GRID1: variants seen among roughly 807,000 people sequenced by gnomAD.
GRID1 encodes the protein glutamate receptor ionotropic, delta-1.
Under a neutral mutation model 98.0 loss-of-function variants are expected in GRID1, and 28 were observed. That is an observed-to-expected ratio of 0.29 (90% CI 0.21 to 0.39). The LOEUF is 0.39. Ranked by LOEUF, GRID1 falls within the 10% of genes least tolerant of loss-of-function variation. GRID1 has a pLI of 1.00. For synonymous variants in GRID1, 553 were observed against 538.5 expected, an observed-to-expected ratio of 1.03 and a Z score of -0.37; for missense variants, 1,111 against 1,340.5, an observed-to-expected ratio of 0.83 and a Z score of 2.67.
chr10:85,778,613 T>C (rs754130164), intron 8 of GRID1, among the ~76,000 whole-genome samples: 1 of 152,208 alleles, frequency 6.6e-6, no homozygotes, highest in African/African-American at 2.4e-5. Context: ...AAGTTTGACC[T>C]GTGTGCTGTG....
chr10:85,812,297 G>GA (rs1203719432), intron 8 of GRID1, among the ~76,000 whole-genome samples: 12 of 151,286 alleles, frequency 7.9e-5, no homozygotes, highest in South Asian at 2.1e-4. Flanking sequence ...AGGAGAAAGA[G>GA]AAAAAAAATC....
At chr10:85,900,582 A>G (rs1841366977) in intron 5 of GRID1, among the ~76,000 whole-genome samples, 1 of 152,238 alleles carries the variant, frequency 6.6e-6, no homozygotes, top group African/African-American at 2.4e-5. Context: ...ATTGATTCAT[A>G]TCTAAAAACA....
At chr10:85,835,914 A>G (rs1842908133) in intron 8 of GRID1, among the ~76,000 whole-genome samples, 1 of 152,202 alleles carries the variant, frequency 6.6e-6, no homozygotes, top group African/African-American at 2.4e-5. Flanking sequence ...GGAAAGTAAC[A>G]ATAAAGTTTT....
intron 8 of GRID1, among the ~76,000 whole-genome samples, chr10:85,738,536 T>C (rs1478133371): frequency 6.6e-6 from 1 of 152,190 alleles, no homozygotes. Context: ...CATACAAAGG[T>C]CCATATGTGA....
chr10:86,024,565 G>C (rs1045627590), intron 4 of GRID1, among the ~76,000 whole-genome samples: 7 of 152,236 alleles, frequency 4.6e-5, no homozygotes, highest in African/African-American at 1.7e-4. Flanking sequence ...TCACCATGAC[G>C]TGGATGGTGC....
intron 2 of GRID1, among the ~76,000 whole-genome samples, chr10:86,350,478 G>A (rs540921054): frequency 6.6e-6 from 1 of 152,298 alleles, no homozygotes; most frequent in Non-Finnish European, 1.5e-5. Flanking sequence ...TGCGTAGTGG[G>A]AGGCCCAGCA....
rs536917424 is a variant in GRID1 at position 86,199,338 on chromosome 10, A to G, written c.520+7026T>C. ...GAGTTTTCCATTACATGTAAATATC[A>G]TAATATATTTAACCAATTTGCTGAA... On this transcript the variant is annotated intron_variant, in intron 3 of 15. Coordinates refer to ENST00000327946, the MANE Select transcript of GRID1 (RefSeq NM_017551.3). Among the ~76,000 whole-genome samples, 3 of 152,280 alleles carry G rather than the reference A, an allele frequency of 2.0e-5. No homozygotes were observed. The East Asian group carries it at 5.8e-4, about 29-fold the overall frequency.
intron 2 of GRID1, among the ~76,000 whole-genome samples, chr10:86,232,611 TA>T (rs1206853440): frequency 6.6e-6 from 1 of 152,208 alleles, no homozygotes; most frequent in Non-Finnish European, 1.5e-5. Flanking sequence ...TAAAGGGAAG[TA>T]GAGAAATCTA....
intron 4 of GRID1, among the ~76,000 whole-genome samples, chr10:86,089,268 A>G (rs1844108456): frequency 6.6e-6 from 1 of 152,172 alleles, no homozygotes; most frequent in South Asian, 2.1e-4. Flanking sequence ...CCAGCCAGGG[A>G]AGGGTCAGTG....
intron 4 of GRID1, among the ~76,000 whole-genome samples, chr10:86,084,275 G>A (rs937389308): frequency 6.6e-6 from 1 of 151,790 alleles, no homozygotes; most frequent in African/African-American, 2.4e-5. Context: ...TTAAAAATGA[G>A]GAGGCCTTAT....
At chr10:85,705,086 A>G (rs1043641098) in intron 12 of GRID1, among the ~76,000 whole-genome samples, 17 of 152,198 alleles carry the variant, frequency 1.1e-4, no homozygotes, top group African/African-American at 3.9e-4. Flanking sequence ...AAACACATTC[A>G]AAAGCTAACA....
At chr10:85,726,646 C>T (rs1384528261) in intron 10 of GRID1, among the ~76,000 whole-genome samples, 5 of 152,116 alleles carry the variant, frequency 3.3e-5, no homozygotes, top group South Asian at 2.1e-4. Flanking sequence ...ACACACACTA[C>T]GTGGAAAGAA....
chr10:85,688,362 G>A (rs751665994), intron 12 of GRID1, among the ~76,000 whole-genome samples: 2 of 152,138 alleles, frequency 1.3e-5, no homozygotes, highest in African/African-American at 4.8e-5. Flanking sequence ...ATACTCAGAA[G>A]GTATTGGGTG....
intron 8 of GRID1, among the ~76,000 whole-genome samples, chr10:85,827,577 C>T (rs1050867283): frequency 6.6e-6 from 1 of 151,598 alleles, no homozygotes; most frequent in South Asian, 2.1e-4. Context: ...ACTTGGAAAG[C>T]GAATTTGAGG....
intron 4 of GRID1, among the ~76,000 whole-genome samples, chr10:86,041,531 G>A (rs1269171327): frequency 6.6e-6 from 1 of 152,074 alleles, no homozygotes. Flanking sequence ...TTCCATAGTG[G>A]GGCCAGTCAG....
chr10:85,850,294 T>C lies in GRID1; in HGVS notation c.1233+4202A>G, dbSNP rs185701727. 5.3e-5 allele frequency among the ~76,000 whole-genome samples: 8 copies of C among 152,322 alleles called. No individual in the cohort carries two copies. In the East Asian group the frequency reaches 1.5e-3, roughly 29 times the overall value. On this transcript the variant is annotated intron_variant, in intron 8 of 15. Transcript: ENST00000327946. Reference sequence around the variant, plus strand: ...ATGGAGAAATGTTTCCTCTGGGCTATAACTAGTGCTCCTATCCAGGCAAGT... The same window carrying C: ...ATGGAGAAATGTTTCCTCTGGGCTACAACTAGTGCTCCTATCCAGGCAAGT...
intron 2 of GRID1, among the ~76,000 whole-genome samples, chr10:86,299,143 T>C (rs1469582352): frequency 6.6e-6 from 1 of 151,840 alleles, no homozygotes; most frequent in Non-Finnish European, 1.5e-5. Context: ...TGCCTGCCTG[T>C]TCCATGTGGT....
intron 3 of GRID1, among the ~76,000 whole-genome samples, chr10:86,185,494 T>G (rs1845714866): frequency 1.3e-5 from 2 of 152,158 alleles, no homozygotes; most frequent in Admixed American, 1.3e-4. Context: ...GGCTAAAACC[T>G]CAGCTACAGC....
chr10:86,232,023 C>T (rs1846461240), intron 2 of GRID1, among the ~76,000 whole-genome samples: 1 of 152,154 alleles, frequency 6.6e-6, no homozygotes, highest in African/African-American at 2.4e-5. Flanking sequence ...CTCCCAGAGA[C>T]TGGGGTACCC....
Sources: allele counts gnomAD v4.1 joint callset (sites outside exome capture counted in the v4.1 genomes callset), GRCh38; gene constraint gnomAD v4.1.1; transcripts MANE v1.5; gene names NCBI Gene and HGNC (gene_info 2026-07-23, HGNC 2026-07-21).